The following ATM variants were observed in gnomAD, a reference collection of about 807,000 sequenced individuals.
ATM encodes the protein ATM serine/threonine kinase.
Under a neutral mutation model 387.0 loss-of-function variants are expected in ATM, and 308 were observed. That is an observed-to-expected ratio of 0.80 (90% CI 0.73 to 0.87). The LOEUF (loss-of-function observed/expected upper bound fraction) is 0.87, where lower values mean the gene tolerates loss of function less well. Among genes scored for constraint, ATM ranks in the 40% least tolerant of loss-of-function variants. The pLI, the probability that ATM is intolerant of heterozygous loss-of-function variation, is 0.00. For synonymous variants in ATM, 1,156 were observed against 1,187.3 expected (o/e 0.97, Z 0.54); for missense variants, 3,312 against 3,560.9 (o/e 0.93, Z 1.78).
intron 29 of ATM, 82 bp downstream of exon 29, chr11:108,289,883 T>G: frequency 7.2e-7 from 1 of 1,382,940 alleles, no homozygotes; most frequent in Non-Finnish European, 1.0e-6. Context: ...TGTTTTGTTT[T>G]GAGACAAAGA....
chr11:108,229,291 T>C lies in ATM; in HGVS notation c.299T>C (p.Leu100Ser), dbSNP rs761936549. 1 of 1,613,506 alleles carries C rather than the reference T, an allele frequency of 6.2e-7. No individual in the cohort carries two copies. Among genetic ancestry groups the C allele is most frequent in the South Asian group, 1.1e-5 (1 of 91,050 alleles). ...RQKKMQEISS[L>S]VKYFIKCANR... ...AAAAAGATGCAGGAAATCAGTAGTT[T>C]GGTCAAATACTTCATCAAATGTGCA... is the stretch of plus-strand genomic sequence containing the variant. Residue 100 changes from leucine (L) to serine (S), a missense_variant, in exon 4 of 63, where the codon TTG becomes TCG. Leu to Ser is a moderately radical substitution (Grantham distance 145). Coordinates refer to ENST00000675843, the MANE Select transcript of ATM (RefSeq NM_000051.4).
chr11:108,256,290 G>T lies in ATM; in HGVS notation c.2200G>T (p.Val734Leu), dbSNP rs1390127104. Residue 734 changes from valine to leucine, a missense_variant, in exon 14 of 63, where the codon GTA becomes TTA. Val to Leu is a conservative substitution (Grantham distance 32). This residue lies in a region of ATM where 1,791 missense variants were observed against 1,804.5 expected (regional missense o/e 0.99). Transcript: ENST00000675843. ...CCTTGGCTGCTACTGTTACATGGGT[G>T]TAATAGCTGAAGAGGAAGCATATAA... ...GVLGCYCYMGVIAEEEAYKSE... is the reference protein window; with the variant it reads ...GVLGCYCYMGLIAEEEAYKSE... The T allele has an allele frequency of 1.2e-6, 2 of 1,611,204 alleles. No individual in the cohort carries two copies. Among genetic ancestry groups the T allele is most frequent in the Non-Finnish European group, 1.7e-6 (2 of 1,178,108 alleles).
At chr11:108,303,081 T>C in intron 36 of ATM, 52 bp downstream of exon 36, 1 of 1,521,416 alleles carries the variant, frequency 6.6e-7, no homozygotes, top group African/African-American at 1.4e-5. Context: ...CCTGTTTATC[T>C]AAAGAGTGCT....
chr11:108,328,349 C>A (rs1049192159), intron 48 of ATM, among the ~76,000 whole-genome samples: 3 of 152,138 alleles, frequency 2.0e-5, no homozygotes, highest in African/African-American at 7.2e-5. Flanking sequence ...TGGGTTCAAG[C>A]GATTCTCCTG....
chr11:108,235,119 A>T (rs1177924230), intron 4 of ATM, among the ~76,000 whole-genome samples: 1 of 152,092 alleles, frequency 6.6e-6, no homozygotes, highest in South Asian at 2.1e-4. Flanking sequence ...CAACATGGTG[A>T]AACCCTGTCT....
At chr11:108,257,071 T>C (rs2080539611) in intron 14 of ATM, among the ~76,000 whole-genome samples, 1 of 152,220 alleles carries the variant, frequency 6.6e-6, no homozygotes, top group Non-Finnish European at 1.5e-5. Flanking sequence ...TTTCTAGTTC[T>C]AGATCCTTGA....
intron 19 of ATM, 24 bp downstream of exon 19, chr11:108,271,170 A>G (rs767051555): frequency 3.7e-6 from 6 of 1,613,398 alleles, no homozygotes; most frequent in Non-Finnish European, 5.1e-6. Flanking sequence ...ACCTTATGTT[A>G]TGTTCACTTT....
chr11:108,299,018 T>C (rs1409004745), intron 33 of ATM, among the ~76,000 whole-genome samples: 3 of 152,186 alleles, frequency 2.0e-5, no homozygotes, highest in African/African-American at 7.2e-5. Context: ...TTGTTAGACG[T>C]GAGTCACTAA....
At chr11:108,342,680 T>C (rs1429461246) in intron 56 of ATM, among the ~76,000 whole-genome samples, 1 of 152,236 alleles carries the variant, frequency 6.6e-6, no homozygotes, top group Non-Finnish European at 1.5e-5. Context: ...ACTTTATGTA[T>C]GTTTATAATA....
intron 54 of ATM, among the ~76,000 whole-genome samples, chr11:108,334,203 G>A (rs2086586077): frequency 8.1e-6 from 1 of 123,494 alleles, no homozygotes; most frequent in Non-Finnish European, 1.8e-5. Flanking sequence ...TCTTTCTTAT[G>A]AAGGTCTATA....
rs1345760669 is a variant in ATM, at chr11:108,293,474, G to C, written c.4773G>C (p.Leu1591Phe). The C allele has an allele frequency of 6.2e-7, 1 of 1,609,472 alleles. No homozygotes were observed. The highest frequency in any genetic ancestry group is 1.3e-5 in the African/African-American group (1 of 74,706). ...ACAGTAGAGGACCCTTTTCACTCTTGGAGGTAATAAAAATTTCATCATCTA... is the reference window on the plus strand; with the variant it reads ...ACAGTAGAGGACCCTTTTCACTCTTCGAGGTAATAAAAATTTCATCATCTA... ...IKYSRGPFSL[L>F]EEINHFLSVS... Residue 1591 changes from leucine (L) to phenylalanine (F), a missense_variant, in exon 31 of 63, where the codon TTG becomes TTC. By Grantham distance (22) the Leu-to-Phe change is conservative (BLOSUM62 0). Coordinates refer to ENST00000675843, the MANE Select transcript of ATM (RefSeq NM_000051.4).
At chr11:108,265,449 G>C (rs990591293) in intron 16 of ATM, among the ~76,000 whole-genome samples, 2 of 152,148 alleles carry the variant, frequency 1.3e-5, no homozygotes, top group African/African-American at 4.8e-5. Context: ...GCTGAAACTG[G>C]ATCCCTTCCT....
intron 44 of ATM, 142 bp downstream of exon 44, chr11:108,320,200 G>A: frequency 3.0e-6 from 2 of 674,592 alleles, no homozygotes; most frequent in Non-Finnish European, 5.2e-6. Flanking sequence ...ATGTTTCCTT[G>A]TAATTCTCTG....
At chr11:108,315,939 A>C in intron 41 of ATM, 28 bp downstream of exon 41, 1 of 1,605,916 alleles carries the variant, frequency 6.2e-7, no homozygotes, top group Admixed American at 1.7e-5. Context: ...AAACAACGGT[A>C]TAGTAATTCT....
intron 16 of ATM, among the ~76,000 whole-genome samples, chr11:108,266,710 A>T (rs1003475728): frequency 6.6e-6 from 1 of 151,930 alleles, no homozygotes; most frequent in South Asian, 2.1e-4. Flanking sequence ...TATCCATTTT[A>T]CTATTGTTGG....
At position 108,321,322 on chromosome 11, in the gene ATM, G is replaced by A. The variant is rs1565511084; in HGVS notation, c.6474G>A (p.Met2158Ile). 3.1e-6 allele frequency: 5 copies of A among 1,614,178 alleles called. No individual in the cohort carries two copies. The highest frequency in any genetic ancestry group is 4.2e-6 in the Non-Finnish European group (5 of 1,180,008). The change falls in exon 45 of 63, where the codon ATG becomes ATA. Residue 2158 changes from methionine to isoleucine, a missense_variant. Coordinates refer to ENST00000675843, the MANE Select transcript of ATM (RefSeq NM_000051.4). ...CTAGAGTAAAAGAAGTGGAAGAGATGTGTAAGCGCAGCCTTGAGTCTGTGT... is the reference window on the plus strand; with the variant it reads ...CTAGAGTAAAAGAAGTGGAAGAGATATGTAAGCGCAGCCTTGAGTCTGTGT... ...KYARVKEVEEMCKRSLESVYS... is the reference protein window; with the variant it reads ...KYARVKEVEEICKRSLESVYS...
chr11:108,355,478 G>A (rs1014126273), intron 61 of ATM: 2 of 157,144 alleles, frequency 1.3e-5, no homozygotes, highest in Admixed American at 6.1e-5. Context: ...ACAAATTTCA[G>A]TGTCTGTGCT....
intron 56 of ATM, among the ~76,000 whole-genome samples, chr11:108,339,360 T>C (rs542574940): frequency 6.6e-6 from 1 of 152,328 alleles, no homozygotes; most frequent in East Asian, 1.9e-4. Context: ...TTATTCCTTG[T>C]CATGCATATT....
At chr11:108,349,378 G>T (rs983091352) in intron 59 of ATM, among the ~76,000 whole-genome samples, 1 of 152,120 alleles carries the variant, frequency 6.6e-6, no homozygotes, top group Non-Finnish European at 1.5e-5. Flanking sequence ...TAAGAATGTG[G>T]AATCTGCCAG....
Sources: allele counts gnomAD v4.1 joint callset (sites outside exome capture counted in the v4.1 genomes callset), GRCh38; gene constraint gnomAD v4.1.1; regional missense constraint gnomAD v4.1.1; transcripts MANE v1.5; gene names NCBI Gene and HGNC (gene_info 2026-07-23, HGNC 2026-07-21).